The following HYDIN variants were observed in gnomAD, a reference collection of about 807,000 sequenced individuals.
HYDIN encodes the protein HYDIN axonemal central pair apparatus protein.
A neutral mutation model predicts 403.9 loss-of-function variants in HYDIN; 132 were observed. That is an observed-to-expected ratio of 0.33 (90% CI 0.28 to 0.38). The LOEUF (loss-of-function observed/expected upper bound fraction) is 0.38, where lower values mean the gene tolerates loss of function less well. Among genes scored for constraint, HYDIN ranks in the 10% least tolerant of loss-of-function variants. The pLI, the probability that HYDIN is intolerant of heterozygous loss-of-function variation, is 1.00. For missense variants in HYDIN, 2,827 were observed against 5,009.5 expected, an observed-to-expected ratio of 0.56 and a Z score of 13.15; for synonymous variants, 1,202 against 1,891.7, an observed-to-expected ratio of 0.64 and a Z score of 9.46.
chr16:71,163,458 T>G (rs1285900317), intron 5 of HYDIN, among the ~76,000 whole-genome samples: 1 of 152,190 alleles, frequency 6.6e-6, no homozygotes, highest in Non-Finnish European at 1.5e-5. Context: ...CTGCCTATAC[T>G]CTTTGCAATG....
At position 70,835,651 on chromosome 16, in the gene HYDIN, G is replaced by C. The variant is rs572924946; in HGVS notation, c.13401+25C>G. On this transcript the variant is annotated intron_variant, in intron 78 of 85. Transcript: ENST00000393567. Reference sequence around the variant, plus strand: ...CATCATCAGGGAGCATGAAGGGGCCGCTAGGAGCCCCTCTGAGCACCAACC... The same window carrying C: ...CATCATCAGGGAGCATGAAGGGGCCCCTAGGAGCCCCTCTGAGCACCAACC... The C allele has an allele frequency of 3.0e-4, 186 of 611,334 alleles. 1 individual carries two copies. The highest frequency in any genetic ancestry group is 2.9e-3 in the African/African-American group (156 of 53,458). The allele number at this position is 611,334 out of a possible 1,614,324, so 37.9% of individuals were successfully genotyped here.
chr16:70,892,221 G>T (rs201713317), intron 56 of HYDIN, 140 bp downstream of exon 56: 3 of 764,668 alleles, frequency 3.9e-6, no homozygotes, highest in Non-Finnish European at 6.0e-6. Context: ...ACAGAACCCC[G>T]GTGTATCCTA....
intron 1 of HYDIN, among the ~76,000 whole-genome samples, chr16:71,197,848 C>T (rs886079324): frequency 9.9e-5 from 15 of 152,140 alleles, no homozygotes; most frequent in African/African-American, 2.2e-4. Context: ...CCCAGGTTCA[C>T]GCAATTCTCA....
chr16:71,192,350 C>T (rs1351281876), intron 1 of HYDIN, among the ~76,000 whole-genome samples: 1 of 152,168 alleles, frequency 6.6e-6, no homozygotes, highest in Non-Finnish European at 1.5e-5. Context: ...CTTTCCCATA[C>T]CCCAGCCATT....
At chr16:70,951,444 A>T (rs1263936780) in intron 41 of HYDIN, among the ~76,000 whole-genome samples, 1 of 152,156 alleles carries the variant, frequency 6.6e-6, no homozygotes, top group Non-Finnish European at 1.5e-5. Flanking sequence ...CATGCTCTGC[A>T]GCCCAAGCCT....
At chr16:71,205,967 C>T (rs1043749288) in intron 1 of HYDIN, among the ~76,000 whole-genome samples, 6 of 152,324 alleles carry the variant, frequency 3.9e-5, no homozygotes, top group Admixed American at 2.6e-4. Context: ...AGGCAGACAA[C>T]ACCTGCTAGA....
Position 70,868,659 on chromosome 16 carries a change from G to T in HYDIN, c.11221C>A (p.Gln3741Lys). 1 of 1,614,170 alleles carries T rather than the reference G, an allele frequency of 6.2e-7. No homozygotes were observed. The highest frequency in any genetic ancestry group is 8.5e-7 in the Non-Finnish European group (1 of 1,180,038). ...ATGCGGTCATCCCAGTCGGGGACCT[G>T]GTCTGCAGGGAGCTGAAACATAATC... ...SRIMFQLPAD[Q>K]VPDWDDRMHT... The change falls in exon 66 of 86, where the codon CAG becomes AAG. Residue 3741 changes from glutamine to lysine, a missense_variant. Transcript: ENST00000393567.
intron 41 of HYDIN, among the ~76,000 whole-genome samples, chr16:70,949,430 C>T (rs368383274): frequency 6.6e-6 from 1 of 151,706 alleles, no homozygotes; most frequent in Non-Finnish European, 1.5e-5. Context: ...GCACATTGTG[C>T]ACATGTACCC....
In HYDIN at chr16:70,804,886, G is replaced by A. The variant is rs1204975063; in HGVS notation, c.*2694C>T. Among the ~76,000 whole-genome samples the A allele has an allele frequency of 6.6e-6, 1 of 152,230 alleles. No homozygotes were observed. Among genetic ancestry groups the A allele is most frequent in the Non-Finnish European group, 1.5e-5 (1 of 68,042 alleles). Reference sequence around the variant, plus strand: ...AGTGGCTTGGGGAAGCACTGGAACAGGTCTGAAGTTGGGGGAGTTGCCCCT... The same window carrying A: ...AGTGGCTTGGGGAAGCACTGGAACAAGTCTGAAGTTGGGGGAGTTGCCCCT... On this transcript the variant is annotated 3_prime_UTR_variant, in exon 86 of 86. Coordinates refer to ENST00000393567, the MANE Select transcript of HYDIN (RefSeq NM_001270974.2).
intron 18 of HYDIN, among the ~76,000 whole-genome samples, chr16:71,041,624 G>T (rs1270954171): frequency 6.6e-6 from 1 of 152,116 alleles, no homozygotes; most frequent in Admixed American, 6.5e-5. Context: ...AAATAGTATT[G>T]TCCCATGGGA....
At chr16:71,032,568 T>G (rs1026245613) in intron 18 of HYDIN, among the ~76,000 whole-genome samples, 2 of 135,536 alleles carry the variant, frequency 1.5e-5, no homozygotes, top group Non-Finnish European at 3.2e-5. Flanking sequence ...ATTTCGTTGC[T>G]GTGCAAACAT....
intron 36 of HYDIN, among the ~76,000 whole-genome samples, chr16:70,965,242 C>T (rs2078538038): frequency 6.6e-6 from 1 of 152,208 alleles, no homozygotes; most frequent in African/African-American, 2.4e-5. Flanking sequence ...AGTGACAATT[C>T]ATTCTTACCA....
chr16:71,188,913 G>A (rs1155050), intron 1 of HYDIN, among the ~76,000 whole-genome samples: 1,523 of 152,032 alleles, frequency 0.01, 13 homozygotes, highest in Middle Eastern at 0.021. Context: ...AATATTAGAA[G>A]CAACAGTCTG....
At chr16:70,865,935 C>T (rs1434971842) in intron 67 of HYDIN, among the ~76,000 whole-genome samples, 5 of 152,334 alleles carry the variant, frequency 3.3e-5, no homozygotes, top group South Asian at 2.1e-4. Flanking sequence ...TGCCTGATGC[C>T]GCCCTCCTGG....
intron 69 of HYDIN, among the ~76,000 whole-genome samples, chr16:70,861,834 T>G (rs1449377651): frequency 1.5e-5 from 1 of 68,066 alleles, no homozygotes; most frequent in Non-Finnish European, 3.0e-5. Context: ...GGGAAGCATC[T>G]GGAGAGGTTG....
chr16:70,875,179 C>T (rs867361540), intron 62 of HYDIN, among the ~76,000 whole-genome samples: 29 of 150,176 alleles, frequency 1.9e-4, no homozygotes, highest in Non-Finnish European at 2.7e-4. Flanking sequence ...TTCCAGATCA[C>T]GTAGGTAGTG....
At chr16:70,908,975 G>A (rs1301524260) in intron 47 of HYDIN, 114 bp from the exon 48 acceptor site, 6 of 1,067,314 alleles carry the variant, frequency 5.6e-6, no homozygotes, top group Non-Finnish European at 8.0e-6. Flanking sequence ...GGGTCAGGAA[G>A]GCTAGAGCAG....
intron 3 of HYDIN, among the ~76,000 whole-genome samples, chr16:71,179,551 G>A (rs2086817784): frequency 6.6e-6 from 1 of 152,190 alleles, no homozygotes; most frequent in Admixed American, 6.5e-5. Context: ...GAATAATAAA[G>A]GGGTAAATAT....
At chr16:71,198,042 C>T (rs544476424) in intron 1 of HYDIN, among the ~76,000 whole-genome samples, 3 of 152,348 alleles carry the variant, frequency 2.0e-5, no homozygotes, top group East Asian at 1.9e-4. Context: ...CCACAGAGCC[C>T]GGCCCCTTAA....
Sources: allele counts gnomAD v4.1 joint callset (sites outside exome capture counted in the v4.1 genomes callset), GRCh38; gene constraint gnomAD v4.1.1; transcripts MANE v1.5; gene names NCBI Gene and HGNC (gene_info 2026-07-23, HGNC 2026-07-21).